The following DTNA variants were observed in gnomAD, a reference collection of about 807,000 sequenced individuals.
DTNA encodes the protein dystrobrevin alpha.
DTNA carries 43 observed loss-of-function variants against 100.7 expected under a neutral mutation model. The ratio of observed to expected loss-of-function variants is 0.43; its 90% CI spans 0.33 to 0.55. The LOEUF is 0.55. Among genes scored for constraint, DTNA ranks in the 20% least tolerant of loss-of-function variants. The pLI is 0.04. For synonymous variants in DTNA, 349 were observed against 347.9 expected, an observed-to-expected ratio of 1.00 and a Z score of -0.04; for missense variants, 798 against 953.9, an observed-to-expected ratio of 0.84 and a Z score of 2.15.
At chr18:34,877,990 T>C (rs1425995409) in intron 19 of DTNA, among the ~76,000 whole-genome samples, 182 bp downstream of exon 19, 2 of 152,186 alleles carry the variant, frequency 1.3e-5, no homozygotes, top group Non-Finnish European at 2.9e-5. Context: ...TTTTGGTTTT[T>C]TGAGACAGGG....
chr18:34,885,826 C>T (rs557514979), intron 22 of DTNA, among the ~76,000 whole-genome samples: 339 of 152,308 alleles, frequency 2.2e-3, no homozygotes, highest in Middle Eastern at 3.4e-3. Flanking sequence ...CCTAAGTGTA[C>T]GGGAAACACT....
At chr18:34,822,045 C>G (rs762611039) in intron 9 of DTNA, among the ~76,000 whole-genome samples, 3 of 152,180 alleles carry the variant, frequency 2.0e-5, no homozygotes, top group Non-Finnish European at 4.4e-5. Flanking sequence ...TCTCTGACCT[C>G]AGCAGTATAC....
chr18:34,744,953 A>G (rs181910768), intron 1 of DTNA, among the ~76,000 whole-genome samples: 2 of 152,064 alleles, frequency 1.3e-5, no homozygotes, highest in East Asian at 3.9e-4. Flanking sequence ...TACATTGTCC[A>G]CTTAAGGTAC....
chr18:34,744,117 A>T (rs1322178774), intron 1 of DTNA, among the ~76,000 whole-genome samples: 1 of 152,150 alleles, frequency 6.6e-6, no homozygotes, highest in Non-Finnish European at 1.5e-5. Context: ...ACTAATTCTG[A>T]TTTTCCCAAG....
chr18:34,646,398 T>C (rs1217043282), intron 1 of DTNA, among the ~76,000 whole-genome samples: 1 of 152,216 alleles, frequency 6.6e-6, no homozygotes, highest in African/African-American at 2.4e-5. Flanking sequence ...TTTTACATTT[T>C]ATTGTGAAAA....
Position 34,877,807 on chromosome 18 carries a change from TG to T in DTNA, c.1993+1del, listed in dbSNP as rs749793196. On this transcript the variant is annotated frameshift_variant and splice_region_variant, in exon 19 of 23. Transcript: ENST00000444659. ...CCTCTCTTGTGAAAGAGCTGAATTC[TG>T]GTGAGTTCCTGATTCCCTCTCATTT... ...MSSLVKELNSEVGSETESNVD... is the reference protein window; with the variant it reads ...MSSLVKELNSXVGSETESNVD... 1 of 1,613,606 alleles carries T rather than the reference TG, an allele frequency of 6.2e-7. No homozygotes were observed. Among genetic ancestry groups the T allele is most frequent in the Admixed American group, 1.7e-5 (1 of 60,012 alleles).
chr18:34,845,417 T>A (rs2096359172), intron 13 of DTNA, among the ~76,000 whole-genome samples: 1 of 152,178 alleles, frequency 6.6e-6, no homozygotes, highest in Admixed American at 6.6e-5. Context: ...TAGCTAGTCA[T>A]TCATTTTAAA....
chr18:34,821,231 A>G, intron 9 of DTNA: 1 of 494,958 alleles, frequency 2.0e-6, no homozygotes, highest in Admixed American at 2.5e-5. Context: ...TCACTGTGGT[A>G]AAAAATGATT....
intron 3 of DTNA, among the ~76,000 whole-genome samples, chr18:34,789,058 T>G (rs1341179500): frequency 6.6e-6 from 1 of 152,214 alleles, no homozygotes; most frequent in Non-Finnish European, 1.5e-5. Flanking sequence ...TTATTACATT[T>G]TATTTTTATT....
chr18:34,655,344 G>A (rs189190568), intron 1 of DTNA, among the ~76,000 whole-genome samples: 72 of 152,080 alleles, frequency 4.7e-4, no homozygotes, highest in Admixed American at 8.5e-4. Flanking sequence ...GACCATTCCA[G>A]CCCACCAAGG....
At chr18:34,574,921 A>G (rs1477561955) in intron 1 of DTNA, among the ~76,000 whole-genome samples, 2 of 152,188 alleles carry the variant, frequency 1.3e-5, no homozygotes, top group Non-Finnish European at 2.9e-5. Flanking sequence ...AGTTTCAATT[A>G]TCTCTAGTTA....
chr18:34,793,998 T>G, intron 3 of DTNA, 39 bp from the exon 4 acceptor site: 3 of 1,600,844 alleles, frequency 1.9e-6, no homozygotes, highest in Non-Finnish European at 1.7e-6. Context: ...TTGCCTTCCA[T>G]TACTTTGGGC....
chr18:34,718,307 T>C (rs568531758), intron 1 of DTNA, among the ~76,000 whole-genome samples: 20 of 152,334 alleles, frequency 1.3e-4, no homozygotes, highest in African/African-American at 4.8e-4. Flanking sequence ...TTATGAGACT[T>C]CCTCTTTCGT....
intron 1 of DTNA, among the ~76,000 whole-genome samples, chr18:34,732,918 C>A (rs1227133459): frequency 6.6e-6 from 1 of 152,042 alleles, no homozygotes; most frequent in Non-Finnish European, 1.5e-5. Context: ...AGGATGAGTC[C>A]GGGGATCCTC....
intron 1 of DTNA, among the ~76,000 whole-genome samples, chr18:34,596,277 C>T (rs924741741): frequency 6.6e-6 from 1 of 152,032 alleles, no homozygotes; most frequent in African/African-American, 2.4e-5. Flanking sequence ...TGACATGACG[C>T]GATTGATCTC....
At chr18:34,655,696 A>G (rs966597269) in intron 1 of DTNA, among the ~76,000 whole-genome samples, 1 of 152,204 alleles carries the variant, frequency 6.6e-6, no homozygotes, top group Non-Finnish European at 1.5e-5. Flanking sequence ...ACTATTAATA[A>G]TTAATAAGAC....
intron 20 of DTNA, among the ~76,000 whole-genome samples, chr18:34,881,282 CTCTT>C (rs984048960): frequency 6.6e-6 from 1 of 152,080 alleles, no homozygotes; most frequent in Non-Finnish European, 1.5e-5. Flanking sequence ...TACCCTGAGA[CTCTT>C]TTAGTCCTAT....
intron 6 of DTNA, 152 bp from the exon 7 acceptor site, chr18:34,815,757 G>C: frequency 1.4e-6 from 1 of 713,712 alleles, no homozygotes; most frequent in Non-Finnish European, 2.4e-6. Context: ...TTCTAAACTA[G>C]TTTAATAACA....
intron 4 of DTNA, among the ~76,000 whole-genome samples, chr18:34,803,387 A>G (rs2095275864): frequency 6.6e-6 from 1 of 151,730 alleles, no homozygotes; most frequent in Non-Finnish European, 1.5e-5. Flanking sequence ...AGGACTGGCA[A>G]TCTCCCCATG....
Sources: gnomAD v4.1 joint callset for allele counts (sites outside exome capture counted in the v4.1 genomes callset) on GRCh38, gnomAD v4.1.1 for gene constraint, MANE v1.5 for transcripts, NCBI Gene and HGNC (gene_info 2026-07-23, HGNC 2026-07-21) for gene names.